Variants in ATP8A1 observed in about 807,000 individuals in gnomAD.
The protein encoded by ATP8A1 is phospholipid-transporting ATPase IA.
A neutral mutation model predicts 177.7 loss-of-function variants in ATP8A1; 90 were observed. The ratio of observed to expected loss-of-function variants is 0.51; its 90% CI spans 0.43 to 0.60. The LOEUF (loss-of-function observed/expected upper bound fraction) is 0.60, where lower values mean the gene tolerates loss of function less well. Ranked by LOEUF, ATP8A1 falls within the 20% of genes least tolerant of loss-of-function variation. The probability of loss-of-function intolerance (pLI) is 0.00; values close to 1 mark genes in which losing one functional copy is unlikely to be tolerated. For missense variants in ATP8A1, 1,072 were observed against 1,392.8 expected (o/e 0.77, Z 3.67); for synonymous variants, 493 against 485.9 (o/e 1.01, Z -0.19).
chr4:42,618,538 T>C (rs3936491), intron 4 of ATP8A1, among the ~76,000 whole-genome samples: 34,414 of 152,144 alleles, frequency 0.23, 4,362 homozygotes, highest in Non-Finnish European at 0.29. Flanking sequence ...TGCCATCCAT[T>C]TACCCAAACC....
intron 22 of ATP8A1, among the ~76,000 whole-genome samples, chr4:42,508,494 G>A (rs535686690): frequency 1.2e-4 from 18 of 152,308 alleles, no homozygotes; most frequent in Non-Finnish European, 2.4e-4. Flanking sequence ...GATGGTAAGC[G>A]GGAGAGAACA....
chr4:42,656,235 G>T (rs991896673), intron 1 of ATP8A1, among the ~76,000 whole-genome samples: 4 of 152,194 alleles, frequency 2.6e-5, no homozygotes, highest in Non-Finnish European at 5.9e-5. Flanking sequence ...CGAAGTGAGG[G>T]TTTCGGGCAA....
At chr4:42,457,760 C>G (rs545824670) in intron 27 of ATP8A1, among the ~76,000 whole-genome samples, 1 of 152,158 alleles carries the variant, frequency 6.6e-6, no homozygotes, top group African/African-American at 2.4e-5. Context: ...AAGATTCTCC[C>G]TCAAATCAAT....
chr4:42,514,772 C>T (rs1304700544), intron 22 of ATP8A1, among the ~76,000 whole-genome samples: 2 of 152,102 alleles, frequency 1.3e-5, no homozygotes, highest in Admixed American at 6.5e-5. Flanking sequence ...CCCTGCTCTG[C>T]CAACCACTGG....
At chr4:42,544,629 A>C (rs576864555) in intron 19 of ATP8A1, among the ~76,000 whole-genome samples, 97 of 152,342 alleles carry the variant, frequency 6.4e-4, no homozygotes, top group Admixed American at 9.8e-4. Context: ...ATTAGTAAAA[A>C]GAGATAGCAA....
intron 1 of ATP8A1, among the ~76,000 whole-genome samples, chr4:42,645,120 C>T (rs1396390336): frequency 6.6e-6 from 1 of 152,060 alleles, no homozygotes; most frequent in East Asian, 1.9e-4. Flanking sequence ...TAAAAATAAA[C>T]TAAATGTGTT....
rs761720651 is a variant in ATP8A1 at position 42,581,043 on chromosome 4, A to G, written c.834+578T>C. Among the ~76,000 whole-genome samples, 84 of 152,358 alleles carry G rather than the reference A, an allele frequency of 5.5e-4. No individual in the cohort carries two copies. In the Middle Eastern group the frequency reaches 0.017, roughly 31 times the overall value. ...TAATAATCACTATAATAGTTAGTAA[A>G]TGCTGCCATAGACCCATACACAAAA... is the stretch of plus-strand genomic sequence containing the variant. On this transcript the variant is annotated intron_variant, in intron 10 of 36. Coordinates refer to ENST00000381668, the MANE Select transcript of ATP8A1 (RefSeq NM_006095.2).
chr4:42,418,498 TG>T (rs1713501318), intron 35 of ATP8A1, among the ~76,000 whole-genome samples: 2 of 152,220 alleles, frequency 1.3e-5, no homozygotes, highest in Admixed American at 1.3e-4. Flanking sequence ...GACTAAGATT[TG>T]GGTTATTTTA....
At chr4:42,503,331 C>G (rs1207390630) in intron 24 of ATP8A1, 119 bp downstream of exon 24, 2 of 577,352 alleles carry the variant, frequency 3.5e-6, no homozygotes, top group Non-Finnish European at 6.0e-6. Flanking sequence ...AACAGAACAA[C>G]AGTGATAAGG....
At chr4:42,606,739 A>G (rs1412263590) in intron 5 of ATP8A1, among the ~76,000 whole-genome samples, 1 of 152,006 alleles carries the variant, frequency 6.6e-6, no homozygotes, top group Non-Finnish European at 1.5e-5. Flanking sequence ...TCTGACTTCT[A>G]TTTTTTTCTA....
rs557104957 is a variant in ATP8A1, at chr4:42,410,826, T to G, written c.*2090A>C. 14 of 152,346 alleles carry G rather than the reference T, an allele frequency of 9.2e-5. No homozygotes were observed. Among genetic ancestry groups the G allele is most frequent in the African/African-American group, 3.4e-4 (14 of 41,576 alleles). The allele number at this position is 152,346 out of a possible 1,614,324, so 9.4% of individuals were successfully genotyped here. On this transcript the variant is annotated 3_prime_UTR_variant, in exon 37 of 37. Transcript: ENST00000381668. The stretch of plus-strand genomic sequence containing the variant: ...TATTATATCCATAATGTTTTTATAT[T>G]AAAATTCTGCAGAAGGGTGCCACTG...
At position 42,455,327 on chromosome 4, in the gene ATP8A1, T is replaced by C; in HGVS notation, c.2787A>G (p.Thr929=). The C allele has an allele frequency of 6.2e-6, 10 of 1,613,870 alleles. No homozygotes were observed. Among genetic ancestry groups the C allele is most frequent in the Non-Finnish European group, 8.5e-6 (10 of 1,179,784 alleles). The change falls in exon 29 of 37, where the codon ACA becomes ACG. Residue 929 remains threonine (T), a synonymous_variant. Transcript: ENST00000381668. ...TGTTGAAGTCCAGGGCATTCTGAGATGTTTTGTATAATTCAGGGTACTTCA... is the reference window on the plus strand; with the variant it reads ...TGTTGAAGTCCAGGGCATTCTGAGACGTTTTGTATAATTCAGGGTACTTCA... ...NMLKYPELYK[T]SQNALDFNTK...
intron 29 of ATP8A1, 36 bp from the exon 30 acceptor site, chr4:42,452,095 G>C (rs147112832): frequency 6.9e-7 from 1 of 1,451,524 alleles, no homozygotes; most frequent in East Asian, 2.3e-5. Flanking sequence ...AACCATTTGC[G>C]ATAAACTAGC....
intron 1 of ATP8A1, among the ~76,000 whole-genome samples, chr4:42,644,073 A>T (rs926612719): frequency 6.6e-6 from 1 of 152,254 alleles, no homozygotes; most frequent in African/African-American, 2.4e-5. Flanking sequence ...ATTTGCTTCA[A>T]TGAATTTTTG....
At position 42,655,544 on chromosome 4, in the gene ATP8A1, T is replaced by G. The variant is rs180899708; in HGVS notation, c.49+1281A>C. Among the ~76,000 whole-genome samples, 128 of 152,364 alleles carry G rather than the reference T, an allele frequency of 8.4e-4. 1 individual carries two copies. Among genetic ancestry groups the G allele is most frequent in the African/African-American group, 2.9e-3 (121 of 41,590 alleles). On this transcript the variant is annotated intron_variant, in intron 1 of 36. Transcript: ENST00000381668. Reference sequence around the variant, plus strand: ...AAATGAATTTTTACAGTGTGCATTTTAAAAGTATAATGTATTCAACTGTGT... The same window carrying G: ...AAATGAATTTTTACAGTGTGCATTTGAAAAGTATAATGTATTCAACTGTGT...
At chr4:42,542,927 G>A (rs1224800894) in intron 20 of ATP8A1, among the ~76,000 whole-genome samples, 1 of 151,996 alleles carries the variant, frequency 6.6e-6, no homozygotes, top group Non-Finnish European at 1.5e-5. Context: ...TCTCTGACTA[G>A]TCTAAGCTCC....
At chr4:42,491,318 C>A (rs952591788) in intron 24 of ATP8A1, among the ~76,000 whole-genome samples, 1 of 152,022 alleles carries the variant, frequency 6.6e-6, no homozygotes, top group African/African-American at 2.4e-5. Context: ...ACATGCTTGG[C>A]AGATAATGAG....
At chr4:42,610,475 A>G (rs1736254731) in intron 5 of ATP8A1, among the ~76,000 whole-genome samples, 1 of 152,142 alleles carries the variant, frequency 6.6e-6, no homozygotes, top group African/African-American at 2.4e-5. Flanking sequence ...GAGTATGCAC[A>G]TACACGAATA....
At chr4:42,614,245 G>C (rs1459823161) in intron 5 of ATP8A1, among the ~76,000 whole-genome samples, 2 of 152,088 alleles carry the variant, frequency 1.3e-5, no homozygotes, top group Non-Finnish European at 1.5e-5. Flanking sequence ...CATAGCTATG[G>C]TGACCACACC....
Sources: allele counts gnomAD v4.1 joint callset (sites outside exome capture counted in the v4.1 genomes callset), GRCh38; gene constraint gnomAD v4.1.1; transcripts MANE v1.5; gene names NCBI Gene and HGNC (gene_info 2026-07-23, HGNC 2026-07-21).